Variants in RIF1 observed in about 807,000 individuals in gnomAD.
RIF1 encodes the protein telomere-associated protein RIF1.
In RIF1, 45 loss-of-function variants were observed where a neutral mutation model predicts 247.1. That is an observed-to-expected ratio of 0.18 (90% CI 0.14 to 0.23). The LOEUF (loss-of-function observed/expected upper bound fraction) is 0.23, where lower values mean the gene tolerates loss of function less well. Among genes scored for constraint, RIF1 ranks in the 10% least tolerant of loss-of-function variants. The pLI is 1.00. For synonymous variants in RIF1, 1,087 were observed against 978.8 expected, an observed-to-expected ratio of 1.11 and a Z score of -2.06; for missense variants, 2,967 against 2,862.5, an observed-to-expected ratio of 1.04 and a Z score of -0.83.
Position 151,463,549 on chromosome 2 carries a change from T to G in RIF1, c.4029T>G (p.Val1343=). Residue 1343 remains valine (V), a synonymous_variant, in exon 30 of 36, where the codon GTT becomes GTG. Transcript: ENST00000444746. ...NQTECVSDNQ[V]HLSESTMEHD... is the part of the protein sequence containing the mutation. Reference sequence around the variant, plus strand: ...CAGAATGTGTGTCAGATAATCAGGTTCATCTTTCTGAATCTACAATGGAGC... The same window carrying G: ...CAGAATGTGTGTCAGATAATCAGGTGCATCTTTCTGAATCTACAATGGAGC... 1 of 1,614,024 alleles carries G rather than the reference T, an allele frequency of 6.2e-7. No homozygotes were observed.
the RIF1 span, chr2:151,514,886 T>A: frequency 6.3e-7 from 1 of 1,587,898 alleles, no homozygotes; most frequent in East Asian, 2.3e-5. Flanking sequence ...CCAGTCAGGT[T>A]TCTGCCTTTA....
intron 9 of RIF1, among the ~76,000 whole-genome samples, chr2:151,488,223 G>A (rs1297706715): frequency 6.6e-6 from 1 of 151,972 alleles, no homozygotes; most frequent in Non-Finnish European, 1.5e-5. Flanking sequence ...TGCTGTAAAT[G>A]TTTTCTCCCA....
At position 151,445,109 on chromosome 2, in the gene RIF1, T is replaced by C. The variant is rs574884633; in HGVS notation, c.1987-229T>C. 6.6e-5 allele frequency among the ~76,000 whole-genome samples: 10 copies of C among 152,332 alleles called. No homozygotes were observed. The South Asian group carries it at 2.1e-3, about 32-fold the overall frequency. ...TTCCTCTTACAGAAAAGACTGTTCA[T>C]TGGATTGGGGCTGACCCTAATCCAG... is the stretch of plus-strand genomic sequence containing the variant. On this transcript the variant is annotated intron_variant, in intron 18 of 35. Coordinates refer to ENST00000444746, the MANE Select transcript of RIF1 (RefSeq NM_018151.5).
chr2:151,444,235 G>T (rs1485102986), intron 18 of RIF1, among the ~76,000 whole-genome samples: 1 of 152,226 alleles, frequency 6.6e-6, no homozygotes, highest in African/African-American at 2.4e-5. Context: ...CTCTTTGTCA[G>T]TCTTTAAATG....
chr2:151,498,651 G>A (rs2062035997), intron 10 of RIF1, among the ~76,000 whole-genome samples: 2 of 152,122 alleles, frequency 1.3e-5, no homozygotes, highest in African/African-American at 2.4e-5. Context: ...TTCCCACCTT[G>A]TTACAAGGAG....
At chr2:151,503,131 T>TA (rs2065995017) in exon 12 of RIF1, 2 of 593,144 alleles carry the variant, frequency 3.4e-6, no homozygotes, top group Admixed American at 3.2e-5. Context: ...TAATTCTACT[T>TA]ATAGTATTTC....
rs1165666619 is a variant in RIF1, at chr2:151,462,910, C to T, written c.3390C>T (p.Val1130=). 6.2e-7 allele frequency: 1 copy of T among 1,607,494 alleles called. No individual in the cohort carries two copies. The highest frequency in any genetic ancestry group is 8.5e-7 in the Non-Finnish European group (1 of 1,177,432). The change falls in exon 30 of 36, where the codon GTC becomes GTT. Residue 1130 remains valine (V), a synonymous_variant. Transcript: ENST00000444746. ...AGGAGCAAATGGACAGTGACATTGT[C>T]ATTCCTCAAGATGTCACGGAAGACT... The part of the protein sequence containing the change: ...ITEEQMDSDI[V]IPQDVTEDCG...
At chr2:151,416,148 A>C (rs1687188304) in intron 4 of RIF1, among the ~76,000 whole-genome samples, 1 of 152,218 alleles carries the variant, frequency 6.6e-6, no homozygotes, top group Non-Finnish European at 1.5e-5. Flanking sequence ...AAGATGTCAA[A>C]GTTGTTACCA....
chr2:151,445,764 C>T (rs767529232), intron 19 of RIF1, among the ~76,000 whole-genome samples: 8 of 152,090 alleles, frequency 5.3e-5, no homozygotes, highest in Non-Finnish European at 8.8e-5. Context: ...GTCAGTTTCA[C>T]CTGACCTCAA....
chr2:151,507,143 C>T lies in RIF1; in HGVS notation c.*1028-586C>T, dbSNP rs74473884. 574 of 601,572 alleles carry T rather than the reference C, an allele frequency of 9.5e-4. 2 individuals carry two copies. The East Asian group carries it at 0.015, about 16-fold the overall frequency. 37.3% of individuals were successfully genotyped at this position (601,572 alleles called of 1,614,324 possible). On this transcript the variant is annotated intron_variant and NMD_transcript_variant, in intron 13 of 13. Coordinates refer to the RIF1 transcript ENST00000454583. ...AAAGTCTATGCACAATAATTATGGT[C>T]TGGTAGCCCAAGGGAAATTATTTGA... is the stretch of plus-strand genomic sequence containing the variant.
intron 20 of RIF1, among the ~76,000 whole-genome samples, chr2:151,447,824 A>G (rs962759926): frequency 2.0e-5 from 3 of 152,134 alleles, no homozygotes; most frequent in African/African-American, 7.2e-5. Flanking sequence ...TACAGGCGTG[A>G]GCCATTGCAC....
At chr2:151,505,434 A>AGAT in intron 12 of RIF1, 1 of 1,496,050 alleles carries the variant, frequency 6.7e-7, no homozygotes, top group Non-Finnish European at 9.3e-7. Flanking sequence ...AGCAATTGAG[A>AGAT]GATGGCCAGT....
intron 15 of RIF1, 64 bp downstream of exon 15, chr2:151,440,191 A>C: frequency 1.1e-6 from 1 of 883,584 alleles, no homozygotes; most frequent in Non-Finnish European, 1.8e-6. Context: ...TTTATATAGA[A>C]GATATTTGCA....
At chr2:151,501,843 GAGAC>G (rs1416864037) in intron 11 of RIF1, among the ~76,000 whole-genome samples, 2 of 152,110 alleles carry the variant, frequency 1.3e-5, no homozygotes, top group Non-Finnish European at 2.9e-5. Flanking sequence ...AGGAGAGAGA[GAGAC>G]AGGTAGGTTT....
chr2:151,445,662 C>G (rs186174905), intron 19 of RIF1, among the ~76,000 whole-genome samples: 3 of 152,184 alleles, frequency 2.0e-5, no homozygotes, highest in Admixed American at 2.0e-4. Context: ...GTTCTCCTGT[C>G]TCTGCCTCCC....
At position 151,464,986 on chromosome 2, in the gene RIF1, T is replaced by A; in HGVS notation, c.5466T>A (p.Thr1822=). The A allele has an allele frequency of 6.3e-7, 1 of 1,576,714 alleles. No homozygotes were observed. Among genetic ancestry groups the A allele is most frequent in the Non-Finnish European group, 8.6e-7 (1 of 1,169,206 alleles). The change falls in exon 30 of 36, where the codon ACT becomes ACA. Residue 1822 remains threonine (T), a synonymous_variant. Coordinates refer to ENST00000444746, the MANE Select transcript of RIF1 (RefSeq NM_018151.5). The part of the protein sequence containing the change: ...IVSETKSKEN[T]MQESLPSGIV... ...CTGAAACCAAATCAAAAGAAAACAC[T>A]ATGCAAGAATCTCTTCCTTCTGGAA...
downstream of RIF1, among the ~76,000 whole-genome samples, chr2:151,484,512 C>G (rs1221676659): frequency 6.6e-6 from 1 of 152,228 alleles, no homozygotes; most frequent in African/African-American, 2.4e-5. Flanking sequence ...ACAAGAATCA[C>G]TTGAACCCAG....
At chr2:151,440,888 C>T (rs1363680692) in intron 15 of RIF1, among the ~76,000 whole-genome samples, 1 of 152,188 alleles carries the variant, frequency 6.6e-6, no homozygotes, top group Non-Finnish European at 1.5e-5. Flanking sequence ...CAAACTAATA[C>T]TGTCTATTAT....
chr2:151,485,617 G>C (rs549826996), downstream of RIF1: 2 of 706,616 alleles, frequency 2.8e-6, no homozygotes, highest in East Asian at 5.3e-5. Context: ...ACCCAAAGGA[G>C]AAAGGATGGT....
Sources: allele counts gnomAD v4.1 joint callset (sites outside exome capture counted in the v4.1 genomes callset), GRCh38; gene constraint gnomAD v4.1.1; transcripts MANE v1.5; gene names NCBI Gene and HGNC (gene_info 2026-07-23, HGNC 2026-07-21).